The following TUSC3 variants were observed in gnomAD, a reference collection of about 807,000 sequenced individuals.
TUSC3 encodes dolichyl-diphosphooligosaccharide--protein glycosyltransferase subunit TUSC3.
A neutral mutation model predicts 44.8 loss-of-function variants in TUSC3; 45 were observed. The observed-to-expected ratio is 1.00, with a 90% confidence interval of 0.79 to 1.29. TUSC3 has a LOEUF of 1.29. Among genes scored for constraint, TUSC3 ranks in the 50% most tolerant of loss-of-function variants. TUSC3 has a pLI of 0.00. For synonymous variants in TUSC3, 212 were observed against 152.9 expected, an observed-to-expected ratio of 1.39 and a Z score of -2.85; for missense variants, 519 against 437.9, an observed-to-expected ratio of 1.19 and a Z score of -1.65.
chr8:15,834,413 C>T, the TUSC3 span, among the ~76,000 whole-genome samples: 2 of 152,064 alleles, frequency 1.3e-5, no homozygotes, highest in African/African-American at 4.8e-5. Context: ...ATAGCGGATA[C>T]CTTTGTTCTC....
the TUSC3 span, among the ~76,000 whole-genome samples, chr8:15,827,109 C>A: frequency 6.6e-6 from 1 of 152,252 alleles, no homozygotes; most frequent in Admixed American, 6.5e-5. Flanking sequence ...GACTCCGAAG[C>A]TTTTCTTACC....
intron 10 of TUSC3, 149 bp from the exon 11 acceptor site, chr8:15,764,054 T>A: frequency 1.3e-6 from 1 of 771,838 alleles, no homozygotes; most frequent in Admixed American, 2.6e-5. Context: ...TTAGAAAAAT[T>A]GCCCTGATGT....
At chr8:15,804,224 T>A in the TUSC3 span, among the ~76,000 whole-genome samples, 8 of 152,236 alleles carry the variant, frequency 5.3e-5, no homozygotes, top group Non-Finnish European at 1.2e-4. Flanking sequence ...GTTTCCTGAC[T>A]TTTTAATGAT....
intron 1 of TUSC3, among the ~76,000 whole-genome samples, chr8:15,563,393 A>G (rs1386934028): frequency 6.6e-6 from 1 of 151,956 alleles, no homozygotes; most frequent in East Asian, 1.9e-4. Flanking sequence ...GCCGTTGGGA[A>G]GATTGCTGTA....
At chr8:15,816,305 A>G in the TUSC3 span, among the ~76,000 whole-genome samples, 3 of 152,180 alleles carry the variant, frequency 2.0e-5, no homozygotes, top group African/African-American at 7.2e-5. Context: ...TGGGCCATCC[A>G]TTGCATGAGT....
chr8:15,711,215 C>G (rs1195630629), intron 6 of TUSC3, among the ~76,000 whole-genome samples: 2 of 151,716 alleles, frequency 1.3e-5, no homozygotes, highest in African/African-American at 4.8e-5. Context: ...CTGTAAGTCT[C>G]TCCTCGATGT....
At chr8:15,509,532 C>T (rs1431041422) in intron 2 of TUSC3, among the ~76,000 whole-genome samples, 1 of 152,112 alleles carries the variant, frequency 6.6e-6, no homozygotes, top group East Asian at 1.9e-4. Flanking sequence ...CACTTGAATC[C>T]CAGAGGCTGA....
At chr8:15,426,122 T>C (rs1233380117) in intron 1 of TUSC3, among the ~76,000 whole-genome samples, 1 of 152,246 alleles carries the variant, frequency 6.6e-6, no homozygotes, top group African/African-American at 2.4e-5. Flanking sequence ...TGCATATATT[T>C]AAAGTGTACA....
intron 2 of TUSC3, among the ~76,000 whole-genome samples, chr8:15,639,273 CATG>C (rs1346799659): frequency 1.3e-5 from 2 of 151,476 alleles, no homozygotes; most frequent in Admixed American, 6.6e-5. Flanking sequence ...TGCTAGATCA[CATG>C]ATGTTCAGAG....
intron 6 of TUSC3, among the ~76,000 whole-genome samples, chr8:15,713,317 AT>A (rs1809932508): frequency 6.6e-6 from 1 of 152,146 alleles, no homozygotes; most frequent in African/African-American, 2.4e-5. Flanking sequence ...CATGTGTTTA[AT>A]TTACATGCTT....
At chr8:15,813,285 T>C in the TUSC3 span, among the ~76,000 whole-genome samples, 2 of 152,066 alleles carry the variant, frequency 1.3e-5, no homozygotes, top group Non-Finnish European at 2.9e-5. Flanking sequence ...GTTCTTCCAA[T>C]TGGAAGTCTG....
intron 2 of TUSC3, among the ~76,000 whole-genome samples, chr8:15,528,627 G>T (rs992227293): frequency 6.6e-6 from 1 of 152,160 alleles, no homozygotes; most frequent in East Asian, 1.9e-4. Flanking sequence ...TACCTTTCCA[G>T]TGTTTTCCTG....
intron 6 of TUSC3, among the ~76,000 whole-genome samples, chr8:15,678,345 G>C (rs543107111): frequency 6.6e-6 from 1 of 152,092 alleles, no homozygotes; most frequent in African/African-American, 2.4e-5. Flanking sequence ...AAAGAAATAT[G>C]GGTAGTATAC....
chr8:15,465,084 G>A (rs948727715), intron 1 of TUSC3, among the ~76,000 whole-genome samples: 2 of 152,090 alleles, frequency 1.3e-5, no homozygotes, highest in Non-Finnish European at 2.9e-5. Flanking sequence ...TCCTGACCTC[G>A]TGATCCACCT....
intron 1 of TUSC3, among the ~76,000 whole-genome samples, chr8:15,604,620 C>G (rs1166298748): frequency 1.3e-5 from 2 of 151,708 alleles, no homozygotes; most frequent in East Asian, 1.9e-4. Context: ...ATATGGGTTA[C>G]TGAATAATTA....
intron 1 of TUSC3, among the ~76,000 whole-genome samples, chr8:15,467,218 C>G (rs1281261842): frequency 2.1e-5 from 3 of 145,672 alleles, no homozygotes; most frequent in Non-Finnish European, 4.5e-5. Context: ...CGGTGCTATT[C>G]TACTTGGGGT....
intron 2 of TUSC3, among the ~76,000 whole-genome samples, chr8:15,509,863 T>C (rs1270531304): frequency 6.6e-6 from 1 of 152,168 alleles, no homozygotes; most frequent in African/African-American, 2.4e-5. Flanking sequence ...AATATGTATT[T>C]TTGAAATTTT....
intron 2 of TUSC3, among the ~76,000 whole-genome samples, chr8:15,631,597 C>T (rs1351507625): frequency 6.6e-6 from 1 of 151,656 alleles, no homozygotes; most frequent in African/African-American, 2.4e-5. Flanking sequence ...CAAAAAACTA[C>T]CTATGAGTTA....
At chr8:15,605,280 T>G (rs1283056622) in intron 1 of TUSC3, among the ~76,000 whole-genome samples, 1 of 151,926 alleles carries the variant, frequency 6.6e-6, no homozygotes, top group African/African-American at 2.4e-5. Flanking sequence ...GAATCAAAAT[T>G]ACTTGTCTTT....
Sources: gnomAD v4.1 joint callset for allele counts (sites outside exome capture counted in the v4.1 genomes callset) on GRCh38, gnomAD v4.1.1 for gene constraint, MANE v1.5 for transcripts, NCBI Gene and HGNC (gene_info 2026-07-23, HGNC 2026-07-21) for gene names.